The following HP1BP3 variants were observed in gnomAD, a reference collection of about 807,000 sequenced individuals.
HP1BP3 encodes the protein heterochromatin protein 1-binding protein 3.
In HP1BP3, 12 loss-of-function variants were observed where a neutral mutation model predicts 62.5. That is an observed-to-expected ratio of 0.19 (90% CI 0.12 to 0.31). The LOEUF (loss-of-function observed/expected upper bound fraction) is 0.31. HP1BP3 is among the 10% of genes least tolerant of loss of function. The pLI is 1.00. For missense variants in HP1BP3, 502 were observed against 651.8 expected, an observed-to-expected ratio of 0.77 and a Z score of 2.50; for synonymous variants, 260 against 237.8, an observed-to-expected ratio of 1.09 and a Z score of -0.86.
chr1:20,776,107 C>A, intron 4 of HP1BP3: 1 of 1,008,764 alleles, frequency 9.9e-7, no homozygotes, highest in African/African-American at 1.6e-5. Flanking sequence ...TTCTCAAAGC[C>A]AATTCTTCAA....
At chr1:20,769,512 T>C (rs906452482) in intron 6 of HP1BP3, among the ~76,000 whole-genome samples, 1 of 152,084 alleles carries the variant, frequency 6.6e-6, no homozygotes, top group African/African-American at 2.4e-5. Flanking sequence ...GAGCTGACAT[T>C]GCACCTCTGC....
chr1:20,757,028 C>T (rs895642081), intron 9 of HP1BP3, 138 bp downstream of exon 9: 5 of 513,594 alleles, frequency 9.7e-6, no homozygotes, highest in Admixed American at 3.5e-5. Context: ...TAATTTCTAA[C>T]ATAGTAAATG....
At chr1:20,757,073 T>A in intron 9 of HP1BP3, 93 bp downstream of exon 9, 1 of 686,638 alleles carries the variant, frequency 1.5e-6, no homozygotes, top group Non-Finnish European at 2.6e-6. Context: ...AAAAGTTCTT[T>A]GAGGTCCTCA....
chr1:20,769,836 G>T (rs1027269376), intron 6 of HP1BP3, among the ~76,000 whole-genome samples: 1 of 152,184 alleles, frequency 6.6e-6, no homozygotes, highest in Non-Finnish European at 1.5e-5. Flanking sequence ...GAGACAAGAC[G>T]TATCTGTGCA....
At chr1:20,775,078 C>A (rs1557668579) in intron 4 of HP1BP3, 1 of 151,440 alleles carries the variant, frequency 6.6e-6, no homozygotes. Flanking sequence ...CTATACTATA[C>A]TTTTTATCAT....
At chr1:20,779,976 G>A in intron 2 of HP1BP3, 65 bp from the exon 3 acceptor site, 2 of 1,188,786 alleles carry the variant, frequency 1.7e-6, no homozygotes, top group South Asian at 2.7e-5. Flanking sequence ...CTTTCTCAAA[G>A]GGCCTAACTG....
intron 7 of HP1BP3, among the ~76,000 whole-genome samples, chr1:20,766,370 C>A (rs1276809789): frequency 2.7e-5 from 4 of 150,014 alleles, no homozygotes; most frequent in Non-Finnish European, 4.4e-5. Context: ...AAGTACAGCA[C>A]CAGAAAAAAA....
At position 20,743,129 on chromosome 1, in the gene HP1BP3, T is replaced by A. The variant is rs2055131623; in HGVS notation, c.*1668A>T. ...ATTTACTTTTTTCCTTTTCTTTTTT[T>A]TTTTAATATCTCAAAAAGGAAGCCA... On this transcript the variant is annotated 3_prime_UTR_variant, in exon 13 of 13. Transcript: ENST00000438032. 6.6e-6 allele frequency: 1 copy of A among 152,352 alleles called. No individual in the cohort carries two copies. Among genetic ancestry groups the A allele is most frequent in the South Asian group, 2.1e-4 (1 of 4,826 alleles). 9.4% of individuals were successfully genotyped at this position (152,352 alleles called of 1,614,324 possible).
At chr1:20,763,668 T>C (rs1055095142) in intron 8 of HP1BP3, among the ~76,000 whole-genome samples, 3 of 152,238 alleles carry the variant, frequency 2.0e-5, no homozygotes, top group Admixed American at 1.3e-4. Flanking sequence ...TTTAAACAAA[T>C]TGATATATCT....
chr1:20,762,652 T>C (rs1017538650), intron 8 of HP1BP3, among the ~76,000 whole-genome samples: 1 of 152,134 alleles, frequency 6.6e-6, no homozygotes, highest in Admixed American at 6.6e-5. Context: ...ATGAAATTCT[T>C]TGTCTTTTAT....
intron 4 of HP1BP3, 123 bp from the exon 5 acceptor site, chr1:20,773,733 G>T: frequency 1.5e-6 from 1 of 647,058 alleles, no homozygotes; most frequent in Non-Finnish European, 2.3e-6. Flanking sequence ...AGGCTAAGAT[G>T]ACATGTACCA....
chr1:20,766,794 G>T (rs1271515557), intron 7 of HP1BP3, among the ~76,000 whole-genome samples: 2 of 151,824 alleles, frequency 1.3e-5, no homozygotes, highest in Admixed American at 6.6e-5. Flanking sequence ...ACAAACATTA[G>T]CTGGGAACGG....
Position 20,744,933 on chromosome 1 carries a change from GTCT to G in HP1BP3, c.1523_1525del (p.Lys508del), listed in dbSNP as rs2055214224. 6.8e-6 allele frequency: 11 copies of G among 1,614,160 alleles called. No homozygotes were observed. Among genetic ancestry groups the G allele is most frequent in the Non-Finnish European group, 9.3e-6 (11 of 1,180,030 alleles). ...CTTGATGACTGTGGATGAGGGTCTG[GTCT>G]TCTTGGCAGGCGTTTTGGCCTTAGG... On this transcript the variant is annotated inframe_deletion, in exon 13 of 13. Coordinates refer to ENST00000438032, the MANE Select transcript of HP1BP3 (RefSeq NM_001372052.1).
chr1:20,759,880 ATTTTTTTTTT>A (rs71014104), intron 8 of HP1BP3, among the ~76,000 whole-genome samples: 22 of 113,014 alleles, frequency 1.9e-4, no homozygotes, highest in Non-Finnish European at 1.8e-5. Flanking sequence ...TTAAAGACCG[ATTTTTTTTTT>A]TTTTTTTTTT....
intron 8 of HP1BP3, among the ~76,000 whole-genome samples, chr1:20,761,960 G>A (rs1472353082): frequency 1.3e-5 from 2 of 152,174 alleles, no homozygotes; most frequent in African/African-American, 4.8e-5. Context: ...AATTTCCAAC[G>A]TGGAGACTGA....
intron 3 of HP1BP3, among the ~76,000 whole-genome samples, chr1:20,779,044 C>A (rs1184986938): frequency 6.6e-6 from 1 of 152,156 alleles, no homozygotes; most frequent in East Asian, 1.9e-4. Flanking sequence ...CCCTCCTTGG[C>A]CTCCCAAAGT....
chr1:20,768,262 C>T (rs905474160), intron 6 of HP1BP3, among the ~76,000 whole-genome samples: 2 of 151,952 alleles, frequency 1.3e-5, no homozygotes, highest in South Asian at 4.1e-4. Flanking sequence ...CTGGCTAACA[C>T]AGTGAAACCC....
intron 10 of HP1BP3, among the ~76,000 whole-genome samples, chr1:20,748,622 T>C (rs113858042): frequency 1.3e-5 from 2 of 152,002 alleles, no homozygotes; most frequent in Admixed American, 6.6e-5. Context: ...TAGCCAGGGG[T>C]GGTGGCAGGT....
intron 6 of HP1BP3, among the ~76,000 whole-genome samples, chr1:20,768,477 C>A (rs1313639865): frequency 2.0e-5 from 3 of 152,114 alleles, no homozygotes; most frequent in Non-Finnish European, 2.9e-5. Context: ...TTAGCCACTG[C>A]ACACAATGGT....
Sources: allele counts gnomAD v4.1 joint callset (sites outside exome capture counted in the v4.1 genomes callset), GRCh38; gene constraint gnomAD v4.1.1; transcripts MANE v1.5; gene names NCBI Gene and HGNC (gene_info 2026-07-23, HGNC 2026-07-21).